TBP: variants seen among roughly 807,000 people sequenced by gnomAD.
The protein encoded by TBP is TATA-box-binding protein.
Under a neutral mutation model 46.2 loss-of-function variants are expected in TBP, and 12 were observed. The ratio of observed to expected loss-of-function variants is 0.26; its 90% CI spans 0.17 to 0.42. The LOEUF is 0.42. Ranked by LOEUF, TBP falls within the 10% of genes least tolerant of loss-of-function variation. TBP has a pLI of 1.00. For missense variants in TBP, 229 were observed against 403.1 expected, an observed-to-expected ratio of 0.57 and a Z score of 3.70; for synonymous variants, 157 against 148.3, an observed-to-expected ratio of 1.06 and a Z score of -0.42.
chr6:170,572,565 T>A lies in TBP; in HGVS notation c.*300T>A. On this transcript the variant is annotated 3_prime_UTR_variant, in exon 8 of 8. Transcript: ENST00000392092. ...AAACACTGCTGTTGACAAGTTGGTT[T>A]GAGGGAGAAAACTTTAAGTGTTAAA... 1 of 319,010 alleles carries A rather than the reference T, an allele frequency of 3.1e-6. No homozygotes were observed. Among genetic ancestry groups the A allele is most frequent in the Non-Finnish European group, 5.7e-6 (1 of 176,504 alleles). The allele number at this position is 319,010 out of a possible 1,614,324, so 19.8% of individuals were successfully genotyped here. A position where few individuals can be genotyped will look rare whatever the true frequency, so the allele number is the denominator to read the frequency against.
intron 7 of TBP, 64 bp from the exon 8 acceptor site, chr6:170,572,122 C>A: frequency 7.9e-7 from 1 of 1,273,318 alleles, no homozygotes; most frequent in Non-Finnish European, 1.1e-6. Context: ...AAGAATTTTA[C>A]CATCTTAATA....
At chr6:170,560,901 T>C (rs756325089) in intron 2 of TBP, among the ~76,000 whole-genome samples, 2 of 152,218 alleles carry the variant, frequency 1.3e-5, no homozygotes, top group Non-Finnish European at 2.9e-5. Flanking sequence ...ATAAACTTAG[T>C]TGATAAAGCA....
At chr6:170,566,547 A>G (rs921233557) in intron 4 of TBP, among the ~76,000 whole-genome samples, 1 of 98,038 alleles carries the variant, frequency 1.0e-5, no homozygotes, top group African/African-American at 5.5e-5. Context: ...ATAAAACAAA[A>G]TGTATCAGAG....
intron 2 of TBP, among the ~76,000 whole-genome samples, chr6:170,560,297 A>G (rs1779117112): frequency 6.6e-6 from 1 of 152,186 alleles, no homozygotes; most frequent in Admixed American, 6.5e-5. Flanking sequence ...CTAGGAGCTC[A>G]AGACCAACCT....
intron 4 of TBP, among the ~76,000 whole-genome samples, chr6:170,564,992 A>C (rs1166584361): frequency 6.6e-6 from 1 of 152,164 alleles, no homozygotes; most frequent in Non-Finnish European, 1.5e-5. Context: ...CCCCGTCTCT[A>C]CTAAAAATAC....
chr6:170,560,309 G>A (rs1433029946), intron 2 of TBP, among the ~76,000 whole-genome samples: 1 of 152,002 alleles, frequency 6.6e-6, no homozygotes, highest in Non-Finnish European at 1.5e-5. Context: ...GACCAACCTG[G>A]GTAACAAAAC....
At chr6:170,563,483 A>G (rs1779186534) in intron 3 of TBP, among the ~76,000 whole-genome samples, 1 of 152,252 alleles carries the variant, frequency 6.6e-6, no homozygotes, top group Non-Finnish European at 1.5e-5. Flanking sequence ...TAAAGTTGTG[A>G]TAGATATACT....
At chr6:170,566,368 GT>G (rs1224737392) in intron 4 of TBP, among the ~76,000 whole-genome samples, 2 of 151,862 alleles carry the variant, frequency 1.3e-5, no homozygotes, top group Admixed American at 6.6e-5. Flanking sequence ...TTAAAACTGT[GT>G]TTTTTTCCTA....
chr6:170,555,103 G>A (rs956770250), intron 1 of TBP, among the ~76,000 whole-genome samples: 8 of 152,182 alleles, frequency 5.3e-5, no homozygotes, highest in African/African-American at 1.7e-4. Flanking sequence ...TCAATTTCCA[G>A]GAGATGAAGA....
chr6:170,563,490 T>C (rs1022643849), intron 3 of TBP, among the ~76,000 whole-genome samples: 3 of 152,220 alleles, frequency 2.0e-5, no homozygotes, highest in African/African-American at 7.2e-5. Context: ...GTGATAGATA[T>C]ACTAAAATCT....
At chr6:170,569,933 C>T (rs1276120739) in intron 6 of TBP, among the ~76,000 whole-genome samples, 154 bp downstream of exon 6, 1 of 152,192 alleles carries the variant, frequency 6.6e-6, no homozygotes, top group African/African-American at 2.4e-5. Context: ...CTGATGTTCT[C>T]AGTCATATTT....
At chr6:170,564,444 G>C (rs1779206218) in intron 3 of TBP, 101 bp from the exon 4 acceptor site, 2 of 754,434 alleles carry the variant, frequency 2.7e-6, no homozygotes, top group African/African-American at 1.8e-5. Context: ...AAAAAGTAAA[G>C]CCTGGTTGAA....
Position 170,561,958 on chromosome 6 carries a change from ACAGCAGCAGCAGCAGCAGCAGCAG to A in TBP, c.258_281del (p.Gln88_Gln95del), listed in dbSNP as rs752404282. ...AGCAGCAGCAGCAGCAGCAACAGCA[ACAGCAGCAGCAGCAGCAGCAGCAG>A]CAGCAGCAGCAGCAGCAGCAGCAGC... is the stretch of plus-strand genomic sequence containing the variant. On this transcript the variant is annotated inframe_deletion, in exon 3 of 8. Transcript: ENST00000392092. 1.5e-4 allele frequency: 216 copies of A among 1,405,164 alleles called. No individual in the cohort carries two copies. Among genetic ancestry groups the A allele is most frequent in the Admixed American group, 9.9e-4 (56 of 56,550 alleles). The allele number at this position is 1,405,164 out of a possible 1,614,324, so 87.0% of individuals were successfully genotyped here. A position where few individuals can be genotyped will look rare whatever the true frequency, so the allele number is the denominator to read the frequency against.
intron 7 of TBP, 46 bp from the exon 8 acceptor site, chr6:170,572,140 A>G: frequency 7.1e-7 from 1 of 1,415,592 alleles, no homozygotes; most frequent in Non-Finnish European, 1.0e-6. Flanking sequence ...ATATGTTAAG[A>G]AGTGCCATTT....
At chr6:170,556,670 A>G (rs1423469039) in intron 1 of TBP, among the ~76,000 whole-genome samples, 5 of 152,228 alleles carry the variant, frequency 3.3e-5, no homozygotes, top group African/African-American at 4.8e-5. Context: ...AACATGTAAC[A>G]AAATGATTTT....
chr6:170,571,316 T>G (rs1209080425), intron 6 of TBP, 94 bp from the exon 7 acceptor site: 2 of 807,304 alleles, frequency 2.5e-6, no homozygotes, highest in African/African-American at 3.5e-5. Context: ...TTGACTAGTT[T>G]GTTTATTCAG....
At chr6:170,560,446 A>G (rs2114992622) in intron 2 of TBP, among the ~76,000 whole-genome samples, 1 of 152,300 alleles carries the variant, frequency 6.6e-6, no homozygotes, top group South Asian at 2.1e-4. Flanking sequence ...TAAAGGCTAC[A>G]ATGGAGACCC....
intron 2 of TBP, 68 bp downstream of exon 2, chr6:170,557,151 C>A: frequency 1.4e-6 from 2 of 1,386,046 alleles, no homozygotes; most frequent in South Asian, 1.2e-5. Flanking sequence ...TATCAAAAGG[C>A]AAGGAAGGGC....
In TBP at chr6:170,555,423, ACTC is replaced by A. The variant is rs368074283; in HGVS notation, c.-149+963_-149+965del. ...TATTGCCTATGCAATAACATTGAAA[ACTC>A]CTGATAGTATGAGCCCACCAATATG... On this transcript the variant is annotated intron_variant, in intron 1 of 7. Transcript: ENST00000392092. Among the ~76,000 whole-genome samples, 184 of 151,750 alleles carry A rather than the reference ACTC, an allele frequency of 1.2e-3. 2 individuals are homozygous for A. Among genetic ancestry groups the A allele is most frequent in the African/African-American group, 4.2e-3 (174 of 41,364 alleles).
Sources: gnomAD v4.1 joint callset for allele counts (sites outside exome capture counted in the v4.1 genomes callset) on GRCh38, gnomAD v4.1.1 for gene constraint, MANE v1.5 for transcripts, NCBI Gene and HGNC (gene_info 2026-07-23, HGNC 2026-07-21) for gene names.